RAB7A: variants seen among roughly 807,000 people sequenced by gnomAD.
RAB7A encodes ras-related protein Rab-7a.
A neutral mutation model predicts 24.5 loss-of-function variants in RAB7A; 2 were observed. The ratio of observed to expected loss-of-function variants is 0.08; its 90% CI spans 0.03 to 0.26. The LOEUF (loss-of-function observed/expected upper bound fraction) is 0.26. Ranked by LOEUF, RAB7A falls within the 10% of genes least tolerant of loss-of-function variation. The pLI, the probability that RAB7A is intolerant of heterozygous loss-of-function variation, is 1.00. For missense variants in RAB7A, 118 were observed against 255.7 expected (o/e 0.46, Z 3.67); for synonymous variants, 100 against 95.9 (o/e 1.04, Z -0.25).
intron 1 of RAB7A, among the ~76,000 whole-genome samples, chr3:128,744,689 C>T (rs1360259437): frequency 6.6e-6 from 1 of 152,080 alleles, no homozygotes; most frequent in Non-Finnish European, 1.5e-5. Flanking sequence ...GCCCAATTAA[C>T]ACAGGCCCAC....
chr3:128,772,762 A>G (rs1174937721), intron 1 of RAB7A, among the ~76,000 whole-genome samples: 1 of 152,226 alleles, frequency 6.6e-6, no homozygotes, highest in South Asian at 2.1e-4. Flanking sequence ...ACTGGTTTTC[A>G]TATTTTTTTG....
chr3:128,806,929 T>A (rs1559797599), intron 4 of RAB7A, among the ~76,000 whole-genome samples: 1 of 152,284 alleles, frequency 6.6e-6, no homozygotes, highest in Admixed American at 6.5e-5. Flanking sequence ...TCTCCATGTG[T>A]GCAGAATATT....
intron 4 of RAB7A, 122 bp downstream of exon 4, chr3:128,806,712 C>A: frequency 2.0e-6 from 2 of 1,020,240 alleles, no homozygotes; most frequent in East Asian, 2.6e-5. Context: ...TCTTCATTAC[C>A]ATATGCCAGC....
Position 128,802,076 on chromosome 3 carries a change from A to G in RAB7A, c.180+4007A>G, listed in dbSNP as rs147994576. 9.1e-4 allele frequency among the ~76,000 whole-genome samples: 138 copies of G among 152,328 alleles called. 1 individual carries two copies. Among genetic ancestry groups the G allele is most frequent in the African/African-American group, 3.2e-3 (131 of 41,570 alleles). On this transcript the variant is annotated intron_variant, in intron 3 of 5. Coordinates refer to ENST00000265062, the MANE Select transcript of RAB7A (RefSeq NM_004637.6). ...TTTAAGGGCTAGTGGCAGAAGTTCT[A>G]AAGGATAACTCCAGGCAGAAAGTGA...
At chr3:128,785,455 A>G (rs1933317861) in intron 1 of RAB7A, 1 of 152,084 alleles carries the variant, frequency 6.6e-6, no homozygotes, top group African/African-American at 2.4e-5. Context: ...TCTTGAAAAT[A>G]AAAAATTAAA....
chr3:128,730,935 A>C (rs574931370), intron 1 of RAB7A, among the ~76,000 whole-genome samples: 1 of 152,188 alleles, frequency 6.6e-6, no homozygotes, highest in Non-Finnish European at 1.5e-5. Context: ...AAGGGAGCCT[A>C]TTTAAGGGGA....
At chr3:128,754,189 T>A (rs1470617139) in intron 1 of RAB7A, among the ~76,000 whole-genome samples, 1 of 152,140 alleles carries the variant, frequency 6.6e-6, no homozygotes, top group Non-Finnish European at 1.5e-5. Flanking sequence ...TCTACATGAT[T>A]TAAGAGACTT....
intron 1 of RAB7A, among the ~76,000 whole-genome samples, chr3:128,752,121 A>G (rs1221172465): frequency 7.4e-6 from 1 of 135,954 alleles, no homozygotes; most frequent in Non-Finnish European, 1.5e-5. Flanking sequence ...AAACAGATTA[A>G]TACAGTGTGA....
chr3:128,733,312 T>C (rs1455855046), intron 1 of RAB7A, among the ~76,000 whole-genome samples: 1 of 152,214 alleles, frequency 6.6e-6, no homozygotes, highest in Non-Finnish European at 1.5e-5. Flanking sequence ...CTGTGTATTC[T>C]TGCGTATCTG....
At chr3:128,732,040 T>G (rs2070443635) in intron 1 of RAB7A, among the ~76,000 whole-genome samples, 1 of 146,762 alleles carries the variant, frequency 6.8e-6, no homozygotes, top group Non-Finnish European at 1.5e-5. Context: ...TCCACTACCT[T>G]TTTTTTTTTT....
intron 1 of RAB7A, among the ~76,000 whole-genome samples, chr3:128,787,219 A>G (rs1933358534): frequency 6.6e-6 from 1 of 152,248 alleles, no homozygotes; most frequent in Non-Finnish European, 1.5e-5. Flanking sequence ...TGGAAACACC[A>G]ACCAACTAAA....
chr3:128,760,384 T>C (rs935104274), intron 1 of RAB7A, among the ~76,000 whole-genome samples: 6 of 152,178 alleles, frequency 3.9e-5, no homozygotes, highest in Non-Finnish European at 8.8e-5. Flanking sequence ...TAACTGTCTT[T>C]ATGTGTAATC....
intron 3 of RAB7A, among the ~76,000 whole-genome samples, chr3:128,804,371 C>T (rs893072575): frequency 2.0e-5 from 3 of 152,194 alleles, no homozygotes; most frequent in African/African-American, 7.2e-5. Flanking sequence ...AACAGCTGCC[C>T]CTTTCCTTTT....
At position 128,814,444 on chromosome 3, in the gene RAB7A, TC is replaced by T. The variant is rs1933996456; in HGVS notation, c.*1025del. The T allele has an allele frequency of 6.6e-6, 1 of 152,576 alleles. No homozygotes were observed. Among genetic ancestry groups the T allele is most frequent in the Non-Finnish European group, 1.5e-5 (1 of 68,044 alleles). The allele number at this position is 152,576 out of a possible 1,614,324, so 9.5% of individuals were successfully genotyped here. The stretch of plus-strand genomic sequence containing the variant: ...TCCCCCCTGCTCCACACTTCAAAAC[TC>T]CCGTTAGATCAGCATTCTACTACAA... On this transcript the variant is annotated 3_prime_UTR_variant, in exon 6 of 6. Coordinates refer to ENST00000265062, the MANE Select transcript of RAB7A (RefSeq NM_004637.6).
intron 3 of RAB7A, among the ~76,000 whole-genome samples, chr3:128,803,748 C>T (rs1025356131): frequency 1.3e-5 from 2 of 152,012 alleles, no homozygotes; most frequent in African/African-American, 4.8e-5. Context: ...TTGCAAAAAG[C>T]TGTACAGGAT....
chr3:128,791,122 C>A (rs374134799), intron 1 of RAB7A, among the ~76,000 whole-genome samples: 1 of 151,872 alleles, frequency 6.6e-6, no homozygotes, highest in Non-Finnish European at 1.5e-5. Context: ...TAGCAAAAAT[C>A]ATGAAAACTT....
chr3:128,776,963 C>T (rs1444930271), intron 1 of RAB7A, among the ~76,000 whole-genome samples: 2 of 151,592 alleles, frequency 1.3e-5, no homozygotes, highest in African/African-American at 4.9e-5. Flanking sequence ...CACACACACA[C>T]ACACACACAC....
At chr3:128,806,302 C>T in intron 3 of RAB7A, 70 bp from the exon 4 acceptor site, 2 of 1,407,362 alleles carry the variant, frequency 1.4e-6, no homozygotes, top group South Asian at 1.2e-5. Context: ...TCTTCTGGCA[C>T]CCCTTGCATA....
chr3:128,813,672 G>A lies in RAB7A; in HGVS notation c.*250G>A. On this transcript the variant is annotated 3_prime_UTR_variant, in exon 6 of 6. Transcript: ENST00000265062. Reference sequence around the variant, plus strand: ...TGCCCGTGATGGCTCCTTGGGGTCTGCCTGCCCACCCACATGAGCCCGCGA... The same window carrying A: ...TGCCCGTGATGGCTCCTTGGGGTCTACCTGCCCACCCACATGAGCCCGCGA... The A allele has an allele frequency of 1.9e-6, 1 of 536,172 alleles. No individual in the cohort carries two copies. The highest frequency in any genetic ancestry group is 3.5e-6 in the Non-Finnish European group (1 of 289,600). 33.2% of individuals were successfully genotyped at this position (536,172 alleles called of 1,614,324 possible).
Sources: gnomAD v4.1 joint callset for allele counts (sites outside exome capture counted in the v4.1 genomes callset) on GRCh38, gnomAD v4.1.1 for gene constraint, MANE v1.5 for transcripts, NCBI Gene and HGNC (gene_info 2026-07-23, HGNC 2026-07-21) for gene names.